The following PCDHGB3 variants were observed in gnomAD, a reference collection of about 807,000 sequenced individuals.
PCDHGB3 encodes protocadherin gamma-B3.
PCDHGB3 carries 40 observed loss-of-function variants against 59.2 expected under a neutral mutation model. That is an observed-to-expected ratio of 0.68 (90% CI 0.52 to 0.88). The LOEUF (loss-of-function observed/expected upper bound fraction) is 0.88. PCDHGB3 is among the 40% of genes least tolerant of loss of function. PCDHGB3 has a pLI of 0.00. For synonymous variants in PCDHGB3, 581 were observed against 503.6 expected, an observed-to-expected ratio of 1.15 and a Z score of -2.06; for missense variants, 1,309 against 1,187.9, an observed-to-expected ratio of 1.10 and a Z score of -1.50.
intron 1 of PCDHGB3, among the ~76,000 whole-genome samples, chr5:141,466,916 GT>G (rs1204028461): frequency 6.6e-6 from 1 of 152,010 alleles, no homozygotes; most frequent in Non-Finnish European, 1.5e-5. Context: ...AAAACTCCTT[GT>G]ATTAGGAATA....
rs1036223789 is a variant in PCDHGB3, at chr5:141,511,298, G to A, written c.*125G>A. On this transcript the variant is annotated 3_prime_UTR_variant, in exon 4 of 4. Transcript: ENST00000576222. ...GAATACTGGTAGGGGCCAAGGCCAT[G>A]CTCCCCTTGGGAAACAGAAACAAGT... The A allele has an allele frequency of 4.7e-6, 7 of 1,502,412 alleles. No individual in the cohort carries two copies. In the African/African-American group the frequency reaches 8.4e-5, roughly 18 times the overall value. The allele number at this position is 1,502,412 out of a possible 1,614,324, so 93.1% of individuals were successfully genotyped here. A position where few individuals can be genotyped will look rare whatever the true frequency, so the allele number is the denominator to read the frequency against.
intron 1 of PCDHGB3, chr5:141,427,308 G>A (rs2097014480): frequency 2.2e-6 from 1 of 456,846 alleles, no homozygotes; most frequent in Non-Finnish European, 4.4e-6. Flanking sequence ...GAATGACAAT[G>A]CCCCAGACGT....
At chr5:141,395,543 TGTGTG>T in intron 1 of PCDHGB3, 1 of 8,204 alleles carries the variant, frequency 1.2e-4, no homozygotes, top group Non-Finnish European at 2.0e-4. Context: ...TGCTATTGTT[TGTGTG>T]TGTGTGTGTG....
At position 141,383,936 on chromosome 5, in the gene PCDHGB3, A is replaced by C. The variant is rs563490528; in HGVS notation, c.2415+11127A>C. ...TTAGATGTAAATGATAATGCTCCAG[A>C]AGTGACTATGACGTCTTTAAGTAGC... On this transcript the variant is annotated intron_variant, in intron 1 of 3. Transcript: ENST00000576222. The C allele has an allele frequency of 1.9e-6, 3 of 1,613,936 alleles. No individual in the cohort carries two copies. In the East Asian group the frequency reaches 6.7e-5, roughly 36 times the overall value.
At chr5:141,419,974 C>T (rs368697962) in intron 1 of PCDHGB3, 3 of 1,613,962 alleles carry the variant, frequency 1.9e-6, no homozygotes, top group Non-Finnish European at 2.5e-6. Context: ...TCTTTCTCCT[C>T]GCGGTGATTC....
At chr5:141,464,035 C>T (rs564886798) in intron 1 of PCDHGB3, among the ~76,000 whole-genome samples, 1 of 152,066 alleles carries the variant, frequency 6.6e-6, no homozygotes, top group African/African-American at 2.4e-5. Context: ...GAGGCCAAGG[C>T]GGGTGGATCA....
At chr5:141,467,564 G>A (rs926613546) in intron 1 of PCDHGB3, among the ~76,000 whole-genome samples, 5 of 152,152 alleles carry the variant, frequency 3.3e-5, no homozygotes, top group Admixed American at 3.3e-4. Flanking sequence ...TTCCCAAATG[G>A]CTATCCAGTT....
At chr5:141,492,527 G>A (rs1000672383) in intron 1 of PCDHGB3, among the ~76,000 whole-genome samples, 1 of 152,184 alleles carries the variant, frequency 6.6e-6, no homozygotes, top group African/African-American at 2.4e-5. Flanking sequence ...TCTCCCACCT[G>A]CGCCCCGGGC....
chr5:141,413,322 G>A, intron 1 of PCDHGB3: 2 of 1,613,940 alleles, frequency 1.2e-6, no homozygotes, highest in Non-Finnish European at 1.7e-6. Flanking sequence ...GCTCTTTCGT[G>A]GGCAACATCT....
At position 141,511,319 on chromosome 5, in the gene PCDHGB3, C is replaced by T. The variant is rs2099883711; in HGVS notation, c.*146C>T. On this transcript the variant is annotated 3_prime_UTR_variant, in exon 4 of 4. Coordinates refer to ENST00000576222, the MANE Select transcript of PCDHGB3 (RefSeq NM_018924.5). ...CCATGCTCCCCTTGGGAAACAGAAA[C>T]AAGTGCCCAGTCAGCACCTACCCCT... 1.4e-6 allele frequency: 2 copies of T among 1,477,302 alleles called. No homozygotes were observed. The highest frequency in any genetic ancestry group is 1.4e-5 in the African/African-American group (1 of 70,920). 91.5% of individuals were successfully genotyped at this position (1,477,302 alleles called of 1,614,324 possible).
chr5:141,405,331 C>G (rs1561699778), intron 1 of PCDHGB3: 1 of 1,614,186 alleles, frequency 6.2e-7, no homozygotes, highest in Non-Finnish European at 8.5e-7. Flanking sequence ...CTTTGTGCGT[C>G]TCTGTTGATT....
chr5:141,501,290 T>TACACACAC (rs55762287), intron 2 of PCDHGB3, among the ~76,000 whole-genome samples: 94 of 136,244 alleles, frequency 6.9e-4, no homozygotes, highest in Admixed American at 2.2e-3. Context: ...TATTCCCTTA[T>TACACACAC]ACACACACAC....
intron 1 of PCDHGB3, 144 bp downstream of exon 1, chr5:141,372,953 CTTTG>C: frequency 6.7e-6 from 5 of 745,132 alleles, no homozygotes; most frequent in South Asian, 2.1e-5. Context: ...CTAGGAAATT[CTTTG>C]TAGAATTTCC....
chr5:141,478,517 T>G (rs1593923092), intron 1 of PCDHGB3: 1 of 1,611,116 alleles, frequency 6.2e-7, no homozygotes, highest in Non-Finnish European at 8.5e-7. Context: ...TAGGCAGGTG[T>G]TGGGTGCAGA....
In PCDHGB3 at chr5:141,490,498, T is replaced by C. The variant is rs544031284; in HGVS notation, c.2416-4309T>C. On this transcript the variant is annotated intron_variant, in intron 1 of 3. Coordinates refer to ENST00000576222, the MANE Select transcript of PCDHGB3 (RefSeq NM_018924.5). This position sits in a 1 kb window ranked among gnomAD's most constrained non-coding sequence, Gnocchi z 5.4. ...TTTGGACCGGGAGGCCACATCCCAC[T>C]ATATCATCGAGCTGCTGGCCAGCGA... 1.2e-6 allele frequency: 2 copies of C among 1,614,132 alleles called. No individual in the cohort carries two copies. Among genetic ancestry groups the C allele is most frequent in the African/African-American group, 1.3e-5 (1 of 75,038 alleles).
At chr5:141,449,537 C>A (rs1377909573) in intron 1 of PCDHGB3, among the ~76,000 whole-genome samples, 1 of 146,334 alleles carries the variant, frequency 6.8e-6, no homozygotes, top group Non-Finnish European at 1.5e-5. Flanking sequence ...TGCAGTGAGC[C>A]GAGATCGCAC....
At chr5:141,443,683 A>C (rs1358937790) in intron 1 of PCDHGB3, among the ~76,000 whole-genome samples, 1 of 152,248 alleles carries the variant, frequency 6.6e-6, no homozygotes, top group Admixed American at 6.5e-5. Flanking sequence ...GTTTACAAAC[A>C]CTTCAAAAAT....
chr5:141,373,350 A>G (rs1769502656), intron 1 of PCDHGB3, among the ~76,000 whole-genome samples: 1 of 152,206 alleles, frequency 6.6e-6, no homozygotes, highest in Non-Finnish European at 1.5e-5. Context: ...AACTCTTGTA[A>G]TGGGCACTGT....
At chr5:141,414,691 T>A (rs2095777481) in intron 1 of PCDHGB3, 1 of 1,613,848 alleles carries the variant, frequency 6.2e-7, no homozygotes, top group African/African-American at 1.3e-5. Context: ...GGTACCTCTG[T>A]CCTCATACAT....
Sources: allele counts gnomAD v4.1 joint callset (sites outside exome capture counted in the v4.1 genomes callset), GRCh38; gene constraint gnomAD v4.1.1; non-coding constraint Gnocchi (gnomAD v3.1); transcripts MANE v1.5; gene names NCBI Gene and HGNC (gene_info 2026-07-23, HGNC 2026-07-21).